The following STYXL1 variants were observed in gnomAD, a reference collection of about 807,000 sequenced individuals.
STYXL1 encodes the protein serine/threonine/tyrosine-interacting-like protein 1.
A neutral mutation model predicts 36.4 loss-of-function variants in STYXL1; 32 were observed. The ratio of observed to expected loss-of-function variants is 0.88; its 90% confidence interval spans 0.66 to 1.18. The LOEUF is 1.18. Among genes scored for constraint, STYXL1 ranks in the 50% most tolerant of loss-of-function variants. STYXL1 has a pLI of 0.00. For synonymous variants in STYXL1, 133 were observed against 144.1 expected (o/e 0.92, Z 0.55); for missense variants, 354 against 394.1 (o/e 0.90, Z 0.86).
intron 1 of STYXL1, among the ~76,000 whole-genome samples, chr7:76,034,004 C>T (rs1795673255): frequency 6.6e-6 from 1 of 152,186 alleles, no homozygotes; most frequent in African/African-American, 2.4e-5. Context: ...ACAGTACCTG[C>T]CTGGTGTATG....
rs528469396 is a variant in STYXL1 at position 76,042,390 on chromosome 7, C to CT, written c.-5+5271dup. The stretch of plus-strand genomic sequence containing the variant: ...ACTGCTCCCTGGGTGCCCTTATGTG[C>CT]TTTTTTTTTTTTTTTTTTTTTTTTT... On this transcript the variant is annotated intron_variant, in intron 1 of 8. Coordinates refer to ENST00000359697, the MANE Select transcript of STYXL1 (RefSeq NM_001317785.2). 4.7e-3 allele frequency among the ~76,000 whole-genome samples: 195 copies of CT among 41,808 alleles called. 30 individuals carry two copies. The highest frequency in any genetic ancestry group is 0.016 in the East Asian group (23 of 1,482). The allele number at this position is 41,808 out of a possible 152,430, so 27.4% of individuals were successfully genotyped here. A position where few individuals can be genotyped will look rare whatever the true frequency, so the allele number is the denominator to read the frequency against.
At position 76,047,870 on chromosome 7, in the gene STYXL1, T is replaced by C. The variant is rs1055699510; in HGVS notation, c.-213A>G. 5.2e-6 allele frequency: 7 copies of C among 1,351,862 alleles called. No homozygotes were observed. Among genetic ancestry groups the C allele is most frequent in the Non-Finnish European group, 6.7e-6 (7 of 1,042,448 alleles). 83.7% of individuals were successfully genotyped at this position (1,351,862 alleles called of 1,614,324 possible). Reference sequence around the variant, plus strand: ...CTAAAGCCCGTCCTCTTCCACCTCTTGGGTGCAGACTGGCCCTCCCACTCC... The same window carrying C: ...CTAAAGCCCGTCCTCTTCCACCTCTCGGGTGCAGACTGGCCCTCCCACTCC... On this transcript the variant is annotated 5_prime_UTR_variant, in exon 1 of 9. Coordinates refer to ENST00000359697, the MANE Select transcript of STYXL1 (RefSeq NM_001317785.2).
intron 5 of STYXL1, among the ~76,000 whole-genome samples, chr7:76,013,493 T>C (rs1792862465): frequency 1.3e-5 from 2 of 151,660 alleles, no homozygotes; most frequent in African/African-American, 2.4e-5. Context: ...GGCATGATCT[T>C]GGCTCACTGC....
intron 1 of STYXL1, among the ~76,000 whole-genome samples, chr7:76,032,399 G>GAA (rs34141153): frequency 0.54 from 71,782 of 132,142 alleles, 22,001 homozygotes; most frequent in Non-Finnish European, 0.7. Context: ...ACCCTGTCTT[G>GAA]AAAAAAAAAA....
intron 5 of STYXL1, among the ~76,000 whole-genome samples, chr7:76,011,288 C>T (rs955280643): frequency 3.9e-5 from 6 of 152,174 alleles, no homozygotes; most frequent in Non-Finnish European, 8.8e-5. Flanking sequence ...ACCCTCACTG[C>T]CTTCTCACCT....
chr7:76,042,390 CTTTTTTTTTTT>C (rs528469396), intron 1 of STYXL1, among the ~76,000 whole-genome samples: 18 of 41,832 alleles, frequency 4.3e-4, no homozygotes, highest in Admixed American at 2.0e-3. Context: ...CCCTTATGTG[CTTTTTTTTTTT>C]TTTTTTTTTT....
intron 1 of STYXL1, among the ~76,000 whole-genome samples, chr7:76,039,419 C>G (rs1796264413): frequency 6.6e-6 from 1 of 152,112 alleles, no homozygotes; most frequent in Admixed American, 6.5e-5. Context: ...TTTCCTCAAT[C>G]CCAGCTTGAC....
intron 3 of STYXL1, among the ~76,000 whole-genome samples, chr7:76,025,404 GCA>G (rs1794579698): frequency 6.6e-6 from 1 of 152,206 alleles, no homozygotes; most frequent in Non-Finnish European, 1.5e-5. Context: ...TCAAAGAAAT[GCA>G]CAGACTTGAG....
chr7:76,024,996 C>A (rs1554577294), intron 3 of STYXL1, among the ~76,000 whole-genome samples: 2 of 141,858 alleles, frequency 1.4e-5, no homozygotes. Flanking sequence ...ATTCTGTTTT[C>A]AAAAAAAAGT....
rs564551656 is a variant in STYXL1, at chr7:75,997,339, C to G, written c.811-740G>C. 1.3e-4 allele frequency among the ~76,000 whole-genome samples: 20 copies of G among 152,304 alleles called. No homozygotes were observed. In the South Asian group the frequency reaches 3.9e-3, roughly 30 times the overall value. ...ATCCCAGCTACTTGGGTGGCTGAGG[C>G]AGGAAAATTGCTTGAACCTGGGAGG... On this transcript the variant is annotated intron_variant, in intron 8 of 8. Coordinates refer to ENST00000359697, the MANE Select transcript of STYXL1 (RefSeq NM_001317785.2).
chr7:76,014,562 A>T (rs139797753), intron 4 of STYXL1, among the ~76,000 whole-genome samples: 1 of 151,812 alleles, frequency 6.6e-6, no homozygotes, highest in Admixed American at 6.6e-5. Context: ...TTTTTTGCCC[A>T]GGCTTGTCTT....
chr7:76,026,019 C>T (rs1282655900), intron 3 of STYXL1, among the ~76,000 whole-genome samples: 2 of 150,050 alleles, frequency 1.3e-5, no homozygotes, highest in Non-Finnish European at 3.0e-5. Flanking sequence ...GGTGAAACCC[C>T]GTCTCTACTA....
chr7:76,047,799 C>A lies in STYXL1; in HGVS notation c.-142G>T. 1 of 719,842 alleles carries A rather than the reference C, an allele frequency of 1.4e-6. No individual in the cohort carries two copies. The highest frequency in any genetic ancestry group is 1.9e-6 in the Non-Finnish European group (1 of 524,232). 44.6% of individuals were successfully genotyped at this position (719,842 alleles called of 1,614,324 possible). A position where few individuals can be genotyped will look rare whatever the true frequency, so the allele number is the denominator to read the frequency against. ...GCCAGGCTCCCTGTCGGAGCCTCTG[C>A]CTGGGGCCCCACCTGGAAAAATGGC... On this transcript the variant is annotated 5_prime_UTR_variant, in exon 1 of 9. Transcript: ENST00000359697.
chr7:76,013,803 T>G lies in STYXL1; in HGVS notation c.392A>C (p.Tyr131Ser), dbSNP rs782347485. The change falls in exon 5 of 9, where the codon TAT becomes TCT. Residue 131 changes from tyrosine to serine, a missense_variant. Coordinates refer to ENST00000359697, the MANE Select transcript of STYXL1 (RefSeq NM_001317785.2). ...HHPVYILKGG[Y>S]ERFSGTYHFL... Reference sequence around the variant, plus strand: ...GTGGTACGTGCCTGAGAAGCGCTCATAGCCCCCTTTCAGGATGTAGACGGG... The same window carrying G: ...GTGGTACGTGCCTGAGAAGCGCTCAGAGCCCCCTTTCAGGATGTAGACGGG... 3 of 1,613,878 alleles carry G rather than the reference T, an allele frequency of 1.9e-6. No individual in the cohort carries two copies. The South Asian group carries it at 3.3e-5, about 18-fold the overall frequency.
intron 1 of STYXL1, among the ~76,000 whole-genome samples, chr7:76,040,269 A>C (rs1222299117): frequency 1.3e-5 from 2 of 152,168 alleles, no homozygotes; most frequent in Non-Finnish European, 2.9e-5. Context: ...GATTGGGCTC[A>C]GGCCCCACCT....
chr7:76,038,543 A>G (rs1554581310), intron 1 of STYXL1, among the ~76,000 whole-genome samples: 1 of 149,834 alleles, frequency 6.7e-6, no homozygotes, highest in Non-Finnish European at 1.5e-5. Flanking sequence ...CTCCTGCCTC[A>G]GCCTCCTGAG....
In STYXL1 at chr7:76,031,714, C is replaced by CAA. The variant is rs11395068; in HGVS notation, c.-4-1189_-4-1188dup. Among the ~76,000 whole-genome samples, 735 of 134,730 alleles carry CAA rather than the reference C, an allele frequency of 5.5e-3. 6 individuals are homozygous for CAA. The highest frequency in any genetic ancestry group is 0.017 in the African/African-American group (597 of 35,526). The allele number at this position is 134,730 out of a possible 152,430, so 88.4% of individuals were successfully genotyped here. Reference sequence around the variant, plus strand: ...TGGGCTACAGAATAAGACTCCATCTCAAAAAAAAAAAAAAATGTGTAGTGA... The same window carrying CAA: ...TGGGCTACAGAATAAGACTCCATCTCAAAAAAAAAAAAAAAAATGTGTAGTGA... On this transcript the variant is annotated intron_variant, in intron 1 of 8. Coordinates refer to ENST00000359697, the MANE Select transcript of STYXL1 (RefSeq NM_001317785.2).
Position 75,996,445 on chromosome 7 carries a change from C to A in STYXL1, c.*23G>T. On this transcript the variant is annotated 3_prime_UTR_variant, in exon 9 of 9. Transcript: ENST00000359697. ...GCCCCCAGGTGAGGCTCTTCAGTACCCTTCGGTGGGCCTCGGAGAAGATCA... is the reference window on the plus strand; with the variant it reads ...GCCCCCAGGTGAGGCTCTTCAGTACACTTCGGTGGGCCTCGGAGAAGATCA... 1 of 1,614,148 alleles carries A rather than the reference C, an allele frequency of 6.2e-7. No individual in the cohort carries two copies. The highest frequency in any genetic ancestry group is 8.5e-7 in the Non-Finnish European group (1 of 1,180,000).
At position 76,022,006 on chromosome 7, in the gene STYXL1, AC is replaced by A. The variant is rs1585263613; in HGVS notation, c.166-15del. 60 of 1,583,938 alleles carry A rather than the reference AC, an allele frequency of 3.8e-5. No homozygotes were observed. Among genetic ancestry groups the A allele is most frequent in the Admixed American group, 1.1e-4 (6 of 55,096 alleles). On this transcript the variant is annotated splice_polypyrimidine_tract_variant and intron_variant, in intron 3 of 8. Transcript: ENST00000359697. ...TTCATTATTTTTCTTAAAAAAAAAAACACACACACACAAGAGAGGCCTGTTG... is the reference window on the plus strand; with the variant it reads ...TTCATTATTTTTCTTAAAAAAAAAAAACACACACACAAGAGAGGCCTGTTG...
Sources: gnomAD v4.1 joint callset for allele counts (sites outside exome capture counted in the v4.1 genomes callset) on GRCh38, gnomAD v4.1.1 for gene constraint, MANE v1.5 for transcripts, NCBI Gene and HGNC (gene_info 2026-07-23, HGNC 2026-07-21) for gene names.